GOLGA4: variants seen among roughly 807,000 people sequenced by gnomAD.
The protein encoded by GOLGA4 is golgin A4.
In GOLGA4, 169 loss-of-function variants were observed where a neutral mutation model predicts 265.9. The observed-to-expected ratio is 0.64, with a 90% CI of 0.56 to 0.72. GOLGA4 has a LOEUF of 0.72. GOLGA4 is among the 30% of genes least tolerant of loss of function. The pLI is 0.00. For synonymous variants in GOLGA4, 923 were observed against 855.8 expected (o/e 1.08, Z -1.37); for missense variants, 2,482 against 2,483.4 (o/e 1.00, Z 0.01).
chr3:37,362,091 C>T (rs1004567235), intron 23 of GOLGA4, among the ~76,000 whole-genome samples: 2 of 152,102 alleles, frequency 1.3e-5, no homozygotes, highest in Non-Finnish European at 2.9e-5. Context: ...ATTAGTAGGG[C>T]TTCACTATAA....
intron 2 of GOLGA4, chr3:37,275,571 G>A: frequency 8.7e-7 from 1 of 1,143,288 alleles, no homozygotes; most frequent in Non-Finnish European, 1.3e-6. Context: ...GGGGGCCTAG[G>A]CCCGGGCCTG....
chr3:37,366,032 G>C (rs1365160526), intron 23 of GOLGA4, 48 bp from the exon 24 acceptor site: 7 of 1,483,954 alleles, frequency 4.7e-6, no homozygotes, highest in Non-Finnish European at 6.3e-6. Flanking sequence ...AAATGTTTTG[G>C]ATTTTTTTGC....
At chr3:37,271,430 A>C (rs1372559725) in intron 2 of GOLGA4, among the ~76,000 whole-genome samples, 1 of 152,194 alleles carries the variant, frequency 6.6e-6, no homozygotes, top group Non-Finnish European at 1.5e-5. Context: ...TTTTTATTAG[A>C]GGGAAGAGGA....
chr3:37,355,299 TTATTATATCACAGCCTG>T, intron 22 of GOLGA4, 112 bp downstream of exon 22: 1 of 645,462 alleles, frequency 1.5e-6, no homozygotes, highest in Non-Finnish European at 2.8e-6. Flanking sequence ...TTTCAAATCT[TTATTATATCACAGCCTG>T]AAAAATGAGA....
At chr3:37,363,854 C>T (rs533261476) in intron 23 of GOLGA4, among the ~76,000 whole-genome samples, 1 of 152,238 alleles carries the variant, frequency 6.6e-6, no homozygotes, top group African/African-American at 2.4e-5. Flanking sequence ...CTTTTTTAAA[C>T]TAGAAAACGT....
chr3:37,347,108 G>T, intron 20 of GOLGA4, 85 bp from the exon 21 acceptor site: 1 of 762,512 alleles, frequency 1.3e-6, no homozygotes. Flanking sequence ...TGTTCCATTG[G>T]TTGTTTTTTA....
chr3:37,250,051 AAAG>A (rs1267815930), intron 1 of GOLGA4: 1 of 152,256 alleles, frequency 6.6e-6, no homozygotes, highest in Non-Finnish European at 1.5e-5. Flanking sequence ...TCTCAGATAA[AAAG>A]AAGATTGGGT....
At chr3:37,278,648 A>C (rs899904397) in intron 2 of GOLGA4, among the ~76,000 whole-genome samples, 1 of 152,206 alleles carries the variant, frequency 6.6e-6, no homozygotes, top group African/African-American at 2.4e-5. Flanking sequence ...TCAGGAAATA[A>C]GCTCACTGAG....
chr3:37,343,435 T>G (rs2097045358), intron 20 of GOLGA4, among the ~76,000 whole-genome samples: 1 of 151,814 alleles, frequency 6.6e-6, no homozygotes. Context: ...CAGGCTGGTT[T>G]TGAACTCCTG....
At chr3:37,329,284 T>C (rs746191518) in intron 16 of GOLGA4, 191 bp downstream of exon 16, 5 of 438,344 alleles carry the variant, frequency 1.1e-5, no homozygotes, top group Non-Finnish European at 2.0e-5. Context: ...AGGATTGTAG[T>C]TTCCTGATGA....
intron 22 of GOLGA4, among the ~76,000 whole-genome samples, chr3:37,357,163 G>A (rs2097093027): frequency 2.0e-5 from 3 of 152,110 alleles, no homozygotes. Context: ...TTCATTCTAG[G>A]TAGGGATGAA....
chr3:37,361,108 C>T, intron 22 of GOLGA4, 135 bp from the exon 23 acceptor site: 1 of 678,668 alleles, frequency 1.5e-6, no homozygotes, highest in Non-Finnish European at 2.7e-6. Context: ...GCCTGTACAC[C>T]CTTGATTTGG....
chr3:37,362,571 T>A (rs184763207), intron 23 of GOLGA4, among the ~76,000 whole-genome samples: 2 of 151,628 alleles, frequency 1.3e-5, no homozygotes, highest in Admixed American at 6.6e-5. Context: ...AGTAAAGCCT[T>A]TATCACCCTG....
At chr3:37,308,838 A>G (rs114115403) in intron 10 of GOLGA4, among the ~76,000 whole-genome samples, 4,302 of 152,084 alleles carry the variant, frequency 0.028, 158 homozygotes, top group African/African-American at 0.085. Context: ...GATGGTCTCA[A>G]ACTCTGACCT....
intron 16 of GOLGA4, among the ~76,000 whole-genome samples, chr3:37,329,798 T>C (rs1040769601): frequency 2.0e-5 from 3 of 152,202 alleles, no homozygotes; most frequent in African/African-American, 7.2e-5. Flanking sequence ...TGTTTTCAAA[T>C]GTAATACAAT....
chr3:37,246,505 G>C (rs2096720011), intron 1 of GOLGA4, among the ~76,000 whole-genome samples: 1 of 152,044 alleles, frequency 6.6e-6, no homozygotes, highest in East Asian at 1.9e-4. Context: ...AAAAATTATA[G>C]AAGTATAGAT....
intron 2 of GOLGA4, among the ~76,000 whole-genome samples, chr3:37,256,485 A>T (rs2096749095): frequency 6.6e-6 from 1 of 151,220 alleles, no homozygotes; most frequent in African/African-American, 2.4e-5. Flanking sequence ...AAAAAAAGGG[A>T]CATAAAAAAA....
At chr3:37,364,986 C>G (rs1163875913) in intron 23 of GOLGA4, among the ~76,000 whole-genome samples, 4 of 152,152 alleles carry the variant, frequency 2.6e-5, no homozygotes, top group Non-Finnish European at 1.5e-5. Flanking sequence ...GCCTTGACTT[C>G]CCAGGCTCAA....
At position 37,327,397 on chromosome 3, in the gene GOLGA4, C is replaced by T. The variant is rs1306209753; in HGVS notation, c.5511C>T (p.Asp1837=). 4 of 1,613,802 alleles carry T rather than the reference C, an allele frequency of 2.5e-6. No homozygotes were observed. Among genetic ancestry groups the T allele is most frequent in the East Asian group, 4.5e-5 (2 of 44,884 alleles). The change falls in exon 14 of 24, where the codon GAC becomes GAT. Residue 1837 remains aspartate, a synonymous_variant. Coordinates refer to ENST00000361924, the MANE Select transcript of GOLGA4 (RefSeq NM_002078.5). Reference sequence around the variant, plus strand: ...AAAACTTGGAAAATGTGTTTGACGACGTCCAGAAAACCCTCCAGGAGAAGG... The same window carrying T: ...AAAACTTGGAAAATGTGTTTGACGATGTCCAGAAAACCCTCCAGGAGAAGG... ...AKQNLENVFD[D]VQKTLQEKEL...
Sources: allele counts gnomAD v4.1 joint callset (sites outside exome capture counted in the v4.1 genomes callset), GRCh38; gene constraint gnomAD v4.1.1; transcripts MANE v1.5; gene names NCBI Gene and HGNC (gene_info 2026-07-23, HGNC 2026-07-21).